MCPH1: variants seen among roughly 807,000 people sequenced by gnomAD.
The protein encoded by MCPH1 is microcephalin 1.
Under a neutral mutation model 84.5 loss-of-function variants are expected in MCPH1, and 104 were observed. The ratio of observed to expected loss-of-function variants is 1.23; its 90% CI spans 1.05 to 1.45. The LOEUF is 1.45. Ranked by LOEUF, MCPH1 falls within the 40% of genes most tolerant of loss-of-function variation. The probability of loss-of-function intolerance (pLI) is 0.00; values close to 1 mark genes in which losing one functional copy is unlikely to be tolerated. For synonymous variants in MCPH1, 514 were observed against 366.8 expected, an observed-to-expected ratio of 1.40 and a Z score of -4.58; for missense variants, 1,498 against 1,005.7, an observed-to-expected ratio of 1.49 and a Z score of -6.62.
intron 4 of MCPH1, among the ~76,000 whole-genome samples, chr8:6,432,123 C>G (rs988849519): frequency 6.6e-6 from 1 of 152,178 alleles, no homozygotes; most frequent in East Asian, 1.9e-4. Context: ...TACACAAATC[C>G]TCCCGTATAC....
At chr8:6,520,229 A>G (rs964111015) in intron 12 of MCPH1, among the ~76,000 whole-genome samples, 9 of 152,264 alleles carry the variant, frequency 5.9e-5, no homozygotes, top group African/African-American at 2.2e-4. Context: ...AATACTTCAA[A>G]TAATCCAAAC....
intron 8 of MCPH1, chr8:6,446,791 G>A: frequency 2.0e-6 from 2 of 984,422 alleles, no homozygotes; most frequent in South Asian, 4.7e-5. Flanking sequence ...AAAGCTGGTA[G>A]CAAACAGTGT....
intron 12 of MCPH1, among the ~76,000 whole-genome samples, chr8:6,557,041 C>T (rs28373103): frequency 0.029 from 4,439 of 152,168 alleles, 158 homozygotes; most frequent in African/African-American, 0.083. Flanking sequence ...GAGGGGTGGG[C>T]GGGGTCATAT....
chr8:6,559,627 A>T (rs755423385), intron 12 of MCPH1, among the ~76,000 whole-genome samples: 5 of 152,178 alleles, frequency 3.3e-5, no homozygotes, highest in Admixed American at 6.5e-5. Flanking sequence ...GGTATGAGGC[A>T]CTCATCAGTG....
intron 5 of MCPH1, among the ~76,000 whole-genome samples, chr8:6,436,765 A>C (rs2922832): frequency 0.015 from 2,282 of 151,856 alleles, 58 homozygotes; most frequent in African/African-American, 0.051. Flanking sequence ...GTCAGGAGAT[A>C]GAGACCATCC....
chr8:6,628,005 T>G (rs1027030364), intron 13 of MCPH1, among the ~76,000 whole-genome samples: 2 of 152,166 alleles, frequency 1.3e-5, no homozygotes, highest in Non-Finnish European at 2.9e-5. Flanking sequence ...TTGGAAAGGT[T>G]TGCTCAGAAA....
At chr8:6,631,712 C>T (rs1001282245) in intron 13 of MCPH1, among the ~76,000 whole-genome samples, 2 of 150,178 alleles carry the variant, frequency 1.3e-5, no homozygotes, top group African/African-American at 4.9e-5. Context: ...AAAATTGGAA[C>T]CTTGTGTCTG....
At chr8:6,414,049 A>G (rs1798904289) in intron 2 of MCPH1, among the ~76,000 whole-genome samples, 1 of 152,130 alleles carries the variant, frequency 6.6e-6, no homozygotes, top group African/African-American at 2.4e-5. Flanking sequence ...CACCACACCC[A>G]GTTTCCTTTG....
chr8:6,529,417 G>C (rs1033641600), intron 12 of MCPH1, among the ~76,000 whole-genome samples: 2 of 150,156 alleles, frequency 1.3e-5, no homozygotes, highest in African/African-American at 4.9e-5. Context: ...ACATAATTCA[G>C]TTTCTTTGCG....
intron 4 of MCPH1, among the ~76,000 whole-genome samples, chr8:6,432,149 T>G (rs1479504919): frequency 2.0e-5 from 3 of 152,230 alleles, no homozygotes; most frequent in Non-Finnish European, 4.4e-5. Flanking sequence ...AAAGAATTGT[T>G]TGTAGAGACA....
intron 12 of MCPH1, chr8:6,508,787 C>G (rs1814317537): frequency 5.9e-6 from 7 of 1,184,842 alleles, no homozygotes; most frequent in Non-Finnish European, 8.6e-6. Flanking sequence ...GTGAAAAACA[C>G]ATTTACCTAT....
intron 12 of MCPH1, among the ~76,000 whole-genome samples, chr8:6,535,492 G>C (rs1432861893): frequency 6.6e-6 from 1 of 152,206 alleles, no homozygotes; most frequent in Non-Finnish European, 1.5e-5. Flanking sequence ...TAGGTTCACA[G>C]TGGGTGAGCT....
At chr8:6,590,180 G>A (rs1253167608) in intron 12 of MCPH1, among the ~76,000 whole-genome samples, 1 of 145,852 alleles carries the variant, frequency 6.9e-6, no homozygotes, top group Non-Finnish European at 1.5e-5. Flanking sequence ...GAGCATGGAA[G>A]AGTGTTATAA....
In MCPH1 at chr8:6,446,034, T is replaced by C. The variant is rs191659608; in HGVS notation, c.1825+487T>C. ...TACTTTTAGAAATCTGTTGTCAATA[T>C]TGATTTTTGAAGAAACTTTGGTCAG... On this transcript the variant is annotated intron_variant, in intron 8 of 13. Coordinates refer to ENST00000344683, the MANE Select transcript of MCPH1 (RefSeq NM_024596.5). 93 of 980,014 alleles carry C rather than the reference T, an allele frequency of 9.5e-5. No individual in the cohort carries two copies. In the East Asian group the frequency reaches 9.6e-3, roughly 101 times the overall value. The allele number at this position is 980,014 out of a possible 1,614,324, so 60.7% of individuals were successfully genotyped here. A position where few individuals can be genotyped will look rare whatever the true frequency, so the allele number is the denominator to read the frequency against.
At chr8:6,554,632 G>A (rs1449992118) in intron 12 of MCPH1, among the ~76,000 whole-genome samples, 1 of 152,144 alleles carries the variant, frequency 6.6e-6, no homozygotes, top group African/African-American at 2.4e-5. Flanking sequence ...AATATTTTGT[G>A]GTGGTAAGTT....
intron 1 of MCPH1, among the ~76,000 whole-genome samples, chr8:6,407,688 G>A (rs910716082): frequency 2.6e-5 from 4 of 152,242 alleles, no homozygotes; most frequent in Admixed American, 1.3e-4. Context: ...AATTAACCTG[G>A]TTTTCTTTTA....
At chr8:6,563,900 A>G (rs1825899698) in intron 12 of MCPH1, among the ~76,000 whole-genome samples, 1 of 152,024 alleles carries the variant, frequency 6.6e-6, no homozygotes, top group African/African-American at 2.4e-5. Flanking sequence ...CTAAAAATAC[A>G]CTGTACTGAT....
Position 6,470,426 on chromosome 8 carries a change from G to A in MCPH1, c.1936-7168G>A, listed in dbSNP as rs138642656. ...AGCCTCCTGAGTAGCTGGGATTACA[G>A]GTTTCCTGCCACCACACCCAGCTAA... On this transcript the variant is annotated intron_variant, in intron 9 of 13. Coordinates refer to ENST00000344683, the MANE Select transcript of MCPH1 (RefSeq NM_024596.5). Among the ~76,000 whole-genome samples the A allele has an allele frequency of 2.4e-3, 367 of 152,216 alleles. 1 individual carries two copies. Among genetic ancestry groups the A allele is most frequent in the African/African-American group, 8.2e-3 (341 of 41,542 alleles).
In MCPH1 at chr8:6,450,738, G is replaced by C. The variant is rs368467389; in HGVS notation, c.1826-4405G>C. On this transcript the variant is annotated intron_variant, in intron 8 of 13. Coordinates refer to ENST00000344683, the MANE Select transcript of MCPH1 (RefSeq NM_024596.5). ...TGGGCTGGATGATTTACAGGAGTTG[G>C]GGTTTTTTGTTGTTGTTGTTTTGAG... is the stretch of plus-strand genomic sequence containing the variant. Among the ~76,000 whole-genome samples, 14 of 152,042 alleles carry C rather than the reference G, an allele frequency of 9.2e-5. No individual in the cohort carries two copies. In the South Asian group the frequency reaches 2.7e-3, roughly 29 times the overall value.
Sources: gnomAD v4.1 joint callset for allele counts (sites outside exome capture counted in the v4.1 genomes callset) on GRCh38, gnomAD v4.1.1 for gene constraint, MANE v1.5 for transcripts, NCBI Gene and HGNC (gene_info 2026-07-23, HGNC 2026-07-21) for gene names.